ZSWIM8: variants seen among roughly 807,000 people sequenced by gnomAD.
ZSWIM8 encodes zinc finger SWIM domain-containing protein 8.
In ZSWIM8, 27 loss-of-function variants were observed where a neutral mutation model predicts 173.7. The ratio of observed to expected loss-of-function variants is 0.16; its 90% CI spans 0.11 to 0.21. ZSWIM8 has a LOEUF of 0.21. Among genes scored for constraint, ZSWIM8 ranks in the 10% least tolerant of loss-of-function variants. ZSWIM8 has a pLI of 1.00. For synonymous variants in ZSWIM8, 958 were observed against 962.0 expected (o/e 1.00, Z 0.08); for missense variants, 1,627 against 2,428.8 (o/e 0.67, Z 6.94).
At position 73,790,983 on chromosome 10, in the gene ZSWIM8, A is replaced by G; in HGVS notation, c.950A>G (p.Asn317Ser). Residue 317 changes from asparagine (N) to serine (S), a missense_variant, in exon 8 of 26, where the codon AAC becomes AGC. Around this residue, in one of 18 missense-constraint regions of ZSWIM8, gnomAD observed 38 missense variants for 106.1 expected, o/e 0.36. Transcript: ENST00000604729. The stretch of plus-strand genomic sequence containing the variant: ...TTCCTCTGCTTTTACAGTGATGTGA[A>G]CTCCATGTATCTGTCTTCCACGGAG... The part of the protein sequence containing the change: ...GPSPVVFSDV[N>S]SMYLSSTEPP... 1 of 1,608,910 alleles carries G rather than the reference A, an allele frequency of 6.2e-7. No individual in the cohort carries two copies. The highest frequency in any genetic ancestry group is 1.1e-5 in the South Asian group (1 of 91,042).
intron 7 of ZSWIM8, 27 bp from the exon 8 acceptor site, chr10:73,790,948 T>C (rs1313457920): frequency 6.3e-7 from 1 of 1,593,962 alleles, no homozygotes; most frequent in Non-Finnish European, 8.5e-7. Flanking sequence ...CTTACTGTCA[T>C]GGTTTTCTGT....
At position 73,800,846 on chromosome 10, in the gene ZSWIM8, C is replaced by A; in HGVS notation, c.5122+87C>A. ...TCCCAGACCTCCTTCCTAGCTCTTG[C>A]TCAGAGTTGAGGCCTTGGTCGGGTA... On this transcript the variant is annotated intron_variant, in intron 24 of 25. Coordinates refer to ENST00000604729, the MANE Select transcript of ZSWIM8 (RefSeq NM_001367799.1). This position sits in a 1 kb window ranked among gnomAD's most constrained non-coding sequence, Gnocchi z 4.1. 3 of 1,223,360 alleles carry A rather than the reference C, an allele frequency of 2.5e-6. No homozygotes were observed. Among genetic ancestry groups the A allele is most frequent in the Non-Finnish European group, 3.4e-6 (3 of 871,452 alleles). The allele number at this position is 1,223,360 out of a possible 1,614,324, so 75.8% of individuals were successfully genotyped here. A position where few individuals can be genotyped will look rare whatever the true frequency, so the allele number is the denominator to read the frequency against.
chr10:73,793,774 C>G, intron 11 of ZSWIM8, 55 bp downstream of exon 11: 1 of 1,558,342 alleles, frequency 6.4e-7, no homozygotes. Context: ...CAACCTGCTC[C>G]CATGCCCCAC....
In ZSWIM8 at chr10:73,791,601, C is replaced by T; in HGVS notation, c.1319+102C>T. The T allele has an allele frequency of 1.5e-6, 2 of 1,343,370 alleles. No homozygotes were observed. The highest frequency in any genetic ancestry group is 2.0e-6 in the Non-Finnish European group (2 of 1,011,514). 83.2% of individuals were successfully genotyped at this position (1,343,370 alleles called of 1,614,324 possible). ...TGCAGAGACATACCATGATTTTAGTCCTCGGGAAACGGGAGGTGCTGAGCA... is the reference window on the plus strand; with the variant it reads ...TGCAGAGACATACCATGATTTTAGTTCTCGGGAAACGGGAGGTGCTGAGCA... On this transcript the variant is annotated intron_variant, in intron 9 of 25. Coordinates refer to ENST00000604729, the MANE Select transcript of ZSWIM8 (RefSeq NM_001367799.1). The surrounding 1 kb of genome is among the most constrained non-coding windows in gnomAD (Gnocchi z 6.0).
rs564109988 is a variant in ZSWIM8, at chr10:73,796,408, G to A, written c.3034-366G>A. On this transcript the variant is annotated intron_variant, in intron 15 of 25. Transcript: ENST00000604729. ...GTGCTCTTCTGCCCATAGGAGGTAA[G>A]TAGGGAATCTTGGGGACATCTCATA... is the stretch of plus-strand genomic sequence containing the variant. 6 of 411,350 alleles carry A rather than the reference G, an allele frequency of 1.5e-5. No individual in the cohort carries two copies. The East Asian group carries it at 3.9e-4, about 26-fold the overall frequency. 25.5% of individuals were successfully genotyped at this position (411,350 alleles called of 1,614,324 possible). A position where few individuals can be genotyped will look rare whatever the true frequency, so the allele number is the denominator to read the frequency against.
chr10:73,785,981 G>C lies in ZSWIM8; in HGVS notation c.103G>C (p.Glu35Gln). Residue 35 changes from glutamate (E) to glutamine (Q), a missense_variant, in exon 1 of 26, where the codon GAG becomes CAG. Coordinates refer to ENST00000604729, the MANE Select transcript of ZSWIM8 (RefSeq NM_001367799.1). ...DSLCSFISEA[E>Q]SLCQNWRGWR... is the part of the protein sequence containing the mutation. Reference sequence around the variant, plus strand: ...ACTCTGTTCCTTCATCTCCGAGGCCGAGAGCCTCTGCCAGAACTGGCGGGG... The same window carrying C: ...ACTCTGTTCCTTCATCTCCGAGGCCCAGAGCCTCTGCCAGAACTGGCGGGG... 6.3e-7 allele frequency: 1 copy of C among 1,597,852 alleles called. No individual in the cohort carries two copies. Among genetic ancestry groups the C allele is most frequent in the African/African-American group, 1.3e-5 (1 of 74,722 alleles).
chr10:73,790,299 C>A lies in ZSWIM8; in HGVS notation c.941+7C>A. The stretch of plus-strand genomic sequence containing the variant: ...CCTCCCCTGTGGTCTTCAGGTAAAT[C>A]GGATCTCTGCATACCTGTGTCTGTG... On this transcript the variant is annotated splice_region_variant and intron_variant, in intron 7 of 25. Transcript: ENST00000604729. 1.3e-6 allele frequency: 2 copies of A among 1,598,522 alleles called. No individual in the cohort carries two copies. The highest frequency in any genetic ancestry group is 1.1e-5 in the South Asian group (1 of 87,872).
At position 73,793,852 on chromosome 10, in the gene ZSWIM8, C is replaced by G. The variant is rs748231176; in HGVS notation, c.2446-13C>G. On this transcript the variant is annotated splice_polypyrimidine_tract_variant and intron_variant, in intron 11 of 25. Coordinates refer to ENST00000604729, the MANE Select transcript of ZSWIM8 (RefSeq NM_001367799.1). ...AATCATCTGCCTGTCTCCTGTGTTTCTTCCCTTTCTAGGGCAAGAAGAACA... is the reference window on the plus strand; with the variant it reads ...AATCATCTGCCTGTCTCCTGTGTTTGTTCCCTTTCTAGGGCAAGAAGAACA... The G allele has an allele frequency of 6.3e-7, 1 of 1,595,748 alleles. No individual in the cohort carries two copies. Among genetic ancestry groups the G allele is most frequent in the East Asian group, 2.2e-5 (1 of 44,654 alleles).
At chr10:73,787,591 C>T (rs556177362) in intron 1 of ZSWIM8, among the ~76,000 whole-genome samples, 1 of 152,260 alleles carries the variant, frequency 6.6e-6, no homozygotes, top group South Asian at 2.1e-4. Flanking sequence ...GTGGCTCGTG[C>T]CTGTAATCCC....
intron 15 of ZSWIM8, 67 bp from the exon 16 acceptor site, chr10:73,796,707 A>C: frequency 6.3e-7 from 1 of 1,585,390 alleles, no homozygotes; most frequent in Non-Finnish European, 8.6e-7. Context: ...AAGGAAGGTA[A>C]TAGAAGTCAG....
chr10:73,789,577 C>T lies in ZSWIM8; in HGVS notation c.630+38C>T. On this transcript the variant is annotated intron_variant, in intron 4 of 25. Coordinates refer to ENST00000604729, the MANE Select transcript of ZSWIM8 (RefSeq NM_001367799.1). The surrounding 1 kb of genome is among the most constrained non-coding windows in gnomAD (Gnocchi z 6.8). ...CAATTTATCCCGGCCCTATCCTACA[C>T]TCCATCCCCCCCTTCTCTGCTGCAT... 6.3e-7 allele frequency: 1 copy of T among 1,599,762 alleles called. No homozygotes were observed. Among genetic ancestry groups the T allele is most frequent in the Non-Finnish European group, 8.5e-7 (1 of 1,173,634 alleles).
rs755608520 is a variant in ZSWIM8 at position 73,800,281 on chromosome 10, TC to T, written c.4826-14del. 2 of 1,613,496 alleles carry T rather than the reference TC, an allele frequency of 1.2e-6. No individual in the cohort carries two copies. Among genetic ancestry groups the T allele is most frequent in the Non-Finnish European group, 1.7e-6 (2 of 1,179,588 alleles). ...TTGGGCTCTGAGTTCCTCACATGGC[TC>T]TCACCCCACTTAGTGAGCAGTGTCC... On this transcript the variant is annotated splice_polypyrimidine_tract_variant and intron_variant, in intron 22 of 25. Transcript: ENST00000604729. The surrounding 1 kb of genome is among the most constrained non-coding windows in gnomAD (Gnocchi z 4.1).
rs1314474805 is a variant in ZSWIM8, at chr10:73,801,450, C to A, written c.5436C>A (p.Leu1812=). 8.7e-6 allele frequency: 14 copies of A among 1,613,860 alleles called. 1 individual carries two copies. The highest frequency in any genetic ancestry group is 1.2e-5 in the Non-Finnish European group (14 of 1,179,886). Residue 1812 remains leucine, a synonymous_variant, in exon 26 of 26, where the codon CTC becomes CTA. Transcript: ENST00000604729. This position sits in a 1 kb window ranked among gnomAD's most constrained non-coding sequence, Gnocchi z 4.9. ...MMQFNDILQN[L]KRSKQTKELW... is the part of the protein sequence containing the mutation. ...AGTTCAACGACATCCTACAGAACCT[C>A]AAGCGCAGCAAACAGACCAAGGAGC...
intron 10 of ZSWIM8, among the ~76,000 whole-genome samples, chr10:73,793,177 C>T (rs1274764770): frequency 1.3e-5 from 2 of 152,184 alleles, no homozygotes; most frequent in African/African-American, 4.8e-5. Flanking sequence ...GCTGCTCTGT[C>T]CTTTGCACTC....
Position 73,789,612 on chromosome 10 carries a change from C to T in ZSWIM8, c.630+73C>T. The T allele has an allele frequency of 6.4e-7, 1 of 1,562,900 alleles. No individual in the cohort carries two copies. Among genetic ancestry groups the T allele is most frequent in the Non-Finnish European group, 8.7e-7 (1 of 1,150,546 alleles). On this transcript the variant is annotated intron_variant, in intron 4 of 25. Transcript: ENST00000604729. This position sits in a 1 kb window ranked among gnomAD's most constrained non-coding sequence, Gnocchi z 6.8. The stretch of plus-strand genomic sequence containing the variant: ...CCCTTCTCTGCTGCATGCCTGGCTA[C>T]AATGTGAGCCCCCTCGCCTCGCCTA...
intron 20 of ZSWIM8, 71 bp downstream of exon 20, chr10:73,798,524 A>C (rs2083770287): frequency 1.4e-6 from 2 of 1,384,750 alleles, no homozygotes; most frequent in South Asian, 2.6e-5. Context: ...GGGAAAGCTA[A>C]GGGCCCAGCT....
Position 73,795,553 on chromosome 10 carries a change from G to A in ZSWIM8, c.2923G>A (p.Val975Met), listed in dbSNP as rs901885070. ...CTTTCTCGCAGGCATGAAGACAACA[G>A]TGAGCGAGGCAGAACATCCCCTCTT... ...AVAALGMKTT[V>M]SEAEHPLLCE... Residue 975 changes from valine (V) to methionine (M), a missense_variant, in exon 15 of 26, where the codon GTG becomes ATG. Transcript: ENST00000604729. 1 of 1,613,972 alleles carries A rather than the reference G, an allele frequency of 6.2e-7. No individual in the cohort carries two copies.
At position 73,801,166 on chromosome 10, in the gene ZSWIM8, G is replaced by T. The variant is rs1426881338; in HGVS notation, c.5272G>T (p.Val1758Leu). Residue 1758 changes from valine (V) to leucine (L), a missense_variant, in exon 25 of 26, where the codon GTG becomes TTG. Transcript: ENST00000604729. This position sits in a 1 kb window ranked among gnomAD's most constrained non-coding sequence, Gnocchi z 4.9. ...GCGTGCCCCGGCCTTCCACCAACTG[G>T]TGCAGCGCTGCCAGCAGGCATACAT... ...HLRAPAFHQLVQRCQQAYMQY... is the reference protein window; with the variant it reads ...HLRAPAFHQLLQRCQQAYMQY... The T allele has an allele frequency of 6.3e-7, 1 of 1,598,368 alleles. No homozygotes were observed. The highest frequency in any genetic ancestry group is 8.5e-7 in the Non-Finnish European group (1 of 1,172,840).
intron 1 of ZSWIM8, chr10:73,786,355 C>T (rs2083224245): frequency 2.7e-6 from 1 of 370,624 alleles, no homozygotes. Flanking sequence ...TGCGCGCGCG[C>T]GCGTGCGCGC....
Sources: allele counts gnomAD v4.1 joint callset (sites outside exome capture counted in the v4.1 genomes callset), GRCh38; gene constraint gnomAD v4.1.1; regional missense constraint gnomAD v4.1.1; non-coding constraint Gnocchi (gnomAD v3.1); transcripts MANE v1.5; gene names NCBI Gene and HGNC (gene_info 2026-07-23, HGNC 2026-07-21).